The following RREB1 variants were observed in gnomAD, a reference collection of about 807,000 sequenced individuals.
RREB1 encodes ras-responsive element-binding protein 1.
Under a neutral mutation model 117.8 loss-of-function variants are expected in RREB1, and 27 were observed. The observed-to-expected ratio is 0.23, with a 90% CI of 0.17 to 0.32. The LOEUF is 0.32. Among genes scored for constraint, RREB1 ranks in the 10% least tolerant of loss-of-function variants. RREB1 has a pLI of 1.00. For synonymous variants in RREB1, 1,298 were observed against 1,026.7 expected, an observed-to-expected ratio of 1.26 and a Z score of -5.05; for missense variants, 2,577 against 2,378.2, an observed-to-expected ratio of 1.08 and a Z score of -1.74.
intron 2 of RREB1, among the ~76,000 whole-genome samples, chr6:7,178,318 A>T (rs533029944): frequency 1.6e-4 from 24 of 152,330 alleles, no homozygotes; most frequent in African/African-American, 5.5e-4. Context: ...ATGGTCTTTT[A>T]TTCCCCGAGA....
In RREB1 at chr6:7,182,113, G is replaced by T. The variant is rs772423132; in HGVS notation, c.171+31G>T. ...TGTTCACACCTAGTGGTGACCTCTG[G>T]TGGGTTCAATCCATGAGAACATTGG... On this transcript the variant is annotated intron_variant, in intron 4 of 12. Transcript: ENST00000379938. 1.9e-6 allele frequency: 3 copies of T among 1,592,034 alleles called. No individual in the cohort carries two copies. The Admixed American group carries it at 5.1e-5, about 27-fold the overall frequency.
At chr6:7,109,932 T>C (rs1761053244) in intron 1 of RREB1, among the ~76,000 whole-genome samples, 1 of 152,162 alleles carries the variant, frequency 6.6e-6, no homozygotes, top group Admixed American at 6.5e-5. Flanking sequence ...GGGTTTTCAT[T>C]AGTAGAAAAT....
chr6:7,220,803 A>C (rs1767204240), intron 8 of RREB1, among the ~76,000 whole-genome samples: 1 of 152,244 alleles, frequency 6.6e-6, no homozygotes, highest in Non-Finnish European at 1.5e-5. Flanking sequence ...AGCCCCTGGC[A>C]GAGTGGAGAT....
chr6:7,197,998 G>A (rs1362944765), intron 6 of RREB1, among the ~76,000 whole-genome samples: 2 of 152,274 alleles, frequency 1.3e-5, no homozygotes, highest in African/African-American at 4.8e-5. Context: ...GGAACAGGTG[G>A]CCAGTATTAA....
intron 1 of RREB1, among the ~76,000 whole-genome samples, chr6:7,174,406 A>G (rs1764397525): frequency 6.6e-6 from 1 of 152,050 alleles, no homozygotes; most frequent in African/African-American, 2.4e-5. Flanking sequence ...TCTTTCTCTA[A>G]AACCATCCTC....
In RREB1 at chr6:7,226,460, C is replaced by T. The variant is rs764808888; in HGVS notation, c.708-7C>T. ...CTGCCTCATATGTTCTCCCTTTCCT[C>T]TCCTAGATGTGACATTTGTTGTGTC... On this transcript the variant is annotated splice_region_variant and splice_polypyrimidine_tract_variant and intron_variant, in intron 8 of 12. Coordinates refer to ENST00000379938, the MANE Select transcript of RREB1 (RefSeq NM_001003699.4). The T allele has an allele frequency of 1.9e-6, 3 of 1,606,548 alleles. No homozygotes were observed. The highest frequency in any genetic ancestry group is 4.5e-5 in the East Asian group (2 of 44,608).
At chr6:7,137,469 TA>T (rs1762390751) in intron 1 of RREB1, among the ~76,000 whole-genome samples, 1 of 152,254 alleles carries the variant, frequency 6.6e-6, no homozygotes, top group South Asian at 2.1e-4. Flanking sequence ...GTGCCTTTGA[TA>T]AAGTATGGTT....
At position 7,237,557 on chromosome 6, in the gene RREB1, C is replaced by T. The variant is rs183478737; in HGVS notation, c.3809-2881C>T. On this transcript the variant is annotated intron_variant, in intron 10 of 12. Coordinates refer to ENST00000379938, the MANE Select transcript of RREB1 (RefSeq NM_001003699.4). Reference sequence around the variant, plus strand: ...GATGGTTTAAGCGCTCGCGTTGGGGCTTGCAGAATGCTGTAGGTCCTGAGT... The same window carrying T: ...GATGGTTTAAGCGCTCGCGTTGGGGTTTGCAGAATGCTGTAGGTCCTGAGT... Among the ~76,000 whole-genome samples, 84 of 152,300 alleles carry T rather than the reference C, an allele frequency of 5.5e-4. 2 individuals are homozygous for T. In the East Asian group the frequency reaches 0.015, roughly 27 times the overall value.
chr6:7,212,799 T>C (rs578072969), intron 8 of RREB1: 2 of 152,200 alleles, frequency 1.3e-5, no homozygotes, highest in Non-Finnish European at 2.9e-5. Flanking sequence ...CTGAGCAAGC[T>C]GAAGACTTAT....
intron 1 of RREB1, among the ~76,000 whole-genome samples, chr6:7,174,703 G>C (rs996758752): frequency 2.6e-5 from 4 of 152,138 alleles, no homozygotes; most frequent in South Asian, 2.1e-4. Flanking sequence ...CCGCCTTCCG[G>C]GTTCAAGTGA....
chr6:7,108,721 CCGGGGTGCTCGCG>C (rs1760968051), intron 1 of RREB1: 1 of 147,918 alleles, frequency 6.8e-6, no homozygotes, highest in Non-Finnish European at 1.5e-5. Flanking sequence ...GGGTGCCTGC[CCGGGGTGCTCGCG>C]CGGGGGTGCC....
chr6:7,209,639 T>C (rs1048799589), intron 6 of RREB1, among the ~76,000 whole-genome samples: 7 of 149,008 alleles, frequency 4.7e-5, no homozygotes, highest in Non-Finnish European at 8.9e-5. Flanking sequence ...AATGACATGG[T>C]CATAGCTGAC....
rs564663307 is a variant in RREB1 at position 7,175,852 on chromosome 6, T to A, written c.-284-803T>A. 2.1e-4 allele frequency among the ~76,000 whole-genome samples: 32 copies of A among 152,390 alleles called. 1 individual carries two copies. The South Asian group carries it at 6.2e-3, about 30-fold the overall frequency. On this transcript the variant is annotated intron_variant, in intron 1 of 12. Transcript: ENST00000379938. Reference sequence around the variant, plus strand: ...TTTGACGTGTGTTACCAACACTTTCTCCTCACACCTGCGAGAGGATGTAAT... The same window carrying A: ...TTTGACGTGTGTTACCAACACTTTCACCTCACACCTGCGAGAGGATGTAAT...
At chr6:7,216,034 T>C (rs1306887354) in intron 8 of RREB1, 1 of 152,244 alleles carries the variant, frequency 6.6e-6, no homozygotes, top group Non-Finnish European at 1.5e-5. Context: ...TATTGTGTAA[T>C]CTTAGATGGC....
chr6:7,140,343 T>C (rs886485364), intron 1 of RREB1, among the ~76,000 whole-genome samples: 3 of 152,226 alleles, frequency 2.0e-5, no homozygotes, highest in African/African-American at 7.2e-5. Flanking sequence ...TCGTGGTGAT[T>C]CTTAAGACTC....
intron 8 of RREB1, chr6:7,212,926 T>G (rs1766700270): frequency 6.6e-6 from 1 of 152,190 alleles, no homozygotes; most frequent in African/African-American, 2.4e-5. Flanking sequence ...TTACGAAGAA[T>G]TTAAACTGCT....
intron 6 of RREB1, among the ~76,000 whole-genome samples, chr6:7,200,684 G>A (rs1765922256): frequency 6.6e-6 from 1 of 152,182 alleles, no homozygotes; most frequent in African/African-American, 2.4e-5. Context: ...ATGCCAAAGA[G>A]CATAACAATC....
chr6:7,197,825 G>A (rs765528642), intron 6 of RREB1, among the ~76,000 whole-genome samples: 23 of 152,314 alleles, frequency 1.5e-4, no homozygotes, highest in Non-Finnish European at 2.5e-4. Context: ...TAGGCTTCAG[G>A]AAGAGGCTTA....
chr6:7,187,555 A>G lies in RREB1; in HGVS notation c.261+32A>G, dbSNP rs1554122290. The G allele has an allele frequency of 1.4e-5, 10 of 714,426 alleles. No individual in the cohort carries two copies. The Admixed American group carries it at 4.2e-4, about 30-fold the overall frequency. The allele number at this position is 714,426 out of a possible 1,614,324, so 44.3% of individuals were successfully genotyped here. A position where few individuals can be genotyped will look rare whatever the true frequency, so the allele number is the denominator to read the frequency against. On this transcript the variant is annotated intron_variant, in intron 5 of 12. Transcript: ENST00000379938. The stretch of plus-strand genomic sequence containing the variant: ...TCCCACTGTTCTTTTATTTTATTTT[A>G]TTTTATTTTATTTTATTTTATTTTA...
Sources: allele counts gnomAD v4.1 joint callset (sites outside exome capture counted in the v4.1 genomes callset), GRCh38; gene constraint gnomAD v4.1.1; transcripts MANE v1.5; gene names NCBI Gene and HGNC (gene_info 2026-07-23, HGNC 2026-07-21).